CACNB2: variants seen among roughly 807,000 people sequenced by gnomAD.
CACNB2 encodes the protein calcium voltage-gated channel auxiliary subunit beta 2, also known as voltage-dependent L-type calcium channel subunit beta-2.
CACNB2 carries 42 observed loss-of-function variants against 73.3 expected under a neutral mutation model. The ratio of observed to expected loss-of-function variants is 0.57; its 90% CI spans 0.45 to 0.74. CACNB2 has a LOEUF of 0.74. Ranked by LOEUF, CACNB2 falls within the 30% of genes least tolerant of loss-of-function variation. The pLI is 0.00. For synonymous variants in CACNB2, 348 were observed against 310.3 expected (o/e 1.12, Z -1.28); for missense variants, 940 against 853.0 (o/e 1.10, Z -1.27).
chr10:18,249,104 C>T (rs1225083986), intron 2 of CACNB2, among the ~76,000 whole-genome samples: 4 of 152,184 alleles, frequency 2.6e-5, no homozygotes, highest in Non-Finnish European at 4.4e-5. Flanking sequence ...TCCTCATTCT[C>T]GGTTAATGAT....
chr10:18,524,083 A>G (rs2052196810), intron 9 of CACNB2, among the ~76,000 whole-genome samples: 4 of 152,154 alleles, frequency 2.6e-5, no homozygotes, highest in Admixed American at 2.6e-4. Flanking sequence ...TCAAAACTGG[A>G]TTCACAGTAA....
intron 1 of CACNB2, 120 bp downstream of exon 1, chr10:18,140,976 C>G: frequency 6.6e-7 from 1 of 1,518,002 alleles, no homozygotes; most frequent in Non-Finnish European, 8.8e-7. Context: ...CCCCTCGTCG[C>G]CTGCCCACCC....
chr10:18,487,231 C>G (rs1373421076), intron 3 of CACNB2, among the ~76,000 whole-genome samples: 3 of 152,168 alleles, frequency 2.0e-5, no homozygotes, highest in Non-Finnish European at 4.4e-5. Flanking sequence ...GAAGATGGAG[C>G]CACCAGGTTG....
At chr10:18,237,277 G>A (rs2036482951) in intron 2 of CACNB2, among the ~76,000 whole-genome samples, 1 of 152,170 alleles carries the variant, frequency 6.6e-6, no homozygotes, top group African/African-American at 2.4e-5. Context: ...AGGTTTTAAA[G>A]ATATCATCAA....
chr10:18,381,849 ACATT>A (rs2043032533), intron 2 of CACNB2, among the ~76,000 whole-genome samples: 1 of 152,028 alleles, frequency 6.6e-6, no homozygotes, highest in South Asian at 2.1e-4. Context: ...CTAACAATAC[ACATT>A]CATGATGTGG....
intron 2 of CACNB2, among the ~76,000 whole-genome samples, chr10:18,372,654 G>A (rs1017757499): frequency 3.3e-5 from 5 of 152,096 alleles, no homozygotes; most frequent in African/African-American, 1.2e-4. Context: ...TCATCCACCC[G>A]CCTTCGCCTC....
chr10:18,426,088 A>G (rs1049350651), intron 3 of CACNB2, among the ~76,000 whole-genome samples: 2 of 152,212 alleles, frequency 1.3e-5, no homozygotes, highest in Non-Finnish European at 2.9e-5. Context: ...TTTCTGTTCC[A>G]TATAAATTTT....
At chr10:18,276,958 T>TA (rs1306030303) in intron 2 of CACNB2, among the ~76,000 whole-genome samples, 6 of 152,006 alleles carry the variant, frequency 3.9e-5, no homozygotes, top group African/African-American at 7.2e-5. Flanking sequence ...ACAAAAAAAT[T>TA]AAAAAATTAT....
At chr10:18,534,496 T>G (rs1343085136) in intron 11 of CACNB2, among the ~76,000 whole-genome samples, 1 of 152,170 alleles carries the variant, frequency 6.6e-6, no homozygotes, top group Non-Finnish European at 1.5e-5. Flanking sequence ...ACTAAGACAT[T>G]ATTTGCCATT....
chr10:18,267,288 C>T (rs186447283), intron 2 of CACNB2, among the ~76,000 whole-genome samples: 52 of 152,166 alleles, frequency 3.4e-4, no homozygotes, highest in Admixed American at 9.8e-4. Flanking sequence ...TTATAAACCT[C>T]ACTACATAAT....
intron 2 of CACNB2, among the ~76,000 whole-genome samples, chr10:18,246,025 AC>A (rs1158567518): frequency 1.3e-5 from 2 of 152,076 alleles, no homozygotes; most frequent in African/African-American, 4.8e-5. Flanking sequence ...TACTCCTGGA[AC>A]CCGGAGAACA....
intron 3 of CACNB2, among the ~76,000 whole-genome samples, chr10:18,496,256 G>A (rs2049808205): frequency 1.3e-5 from 2 of 150,674 alleles, no homozygotes; most frequent in African/African-American, 4.9e-5. Flanking sequence ...TCCACCTCAT[G>A]TCTATTGTGC....
chr10:18,141,198 C>CT, intron 1 of CACNB2: 1 of 991,290 alleles, frequency 1.0e-6, no homozygotes, highest in Non-Finnish European at 1.4e-6. Flanking sequence ...GGGGAGTGGA[C>CT]TGGACCTGCT....
At chr10:18,272,466 AT>A (rs1258082115) in intron 2 of CACNB2, among the ~76,000 whole-genome samples, 1 of 152,172 alleles carries the variant, frequency 6.6e-6, no homozygotes, top group African/African-American at 2.4e-5. Context: ...CCTCTTTCTA[AT>A]TTAAAAGATA....
intron 3 of CACNB2, among the ~76,000 whole-genome samples, chr10:18,419,055 C>T (rs1295794702): frequency 6.6e-6 from 1 of 152,194 alleles, no homozygotes; most frequent in Non-Finnish European, 1.5e-5. Context: ...TATGAGGCAA[C>T]TCAGTGACAC....
rs150596642 is a variant in CACNB2, at chr10:18,540,831, C to T, written c.*1107C>T. 1 of 152,744 alleles carries T rather than the reference C, an allele frequency of 6.5e-6. No homozygotes were observed. Among genetic ancestry groups the T allele is most frequent in the African/African-American group, 2.4e-5 (1 of 41,556 alleles). The allele number at this position is 152,744 out of a possible 1,614,324, so 9.5% of individuals were successfully genotyped here. On this transcript the variant is annotated 3_prime_UTR_variant, in exon 14 of 14. Coordinates refer to ENST00000324631, the MANE Select transcript of CACNB2 (RefSeq NM_201596.3). ...AGACTGATATCGAGCATTCTGCCCA[C>T]CTCGCTCTGTATTTAATTAATTGTG...
chr10:18,165,569 T>A (rs2032794275), intron 2 of CACNB2, among the ~76,000 whole-genome samples: 1 of 152,238 alleles, frequency 6.6e-6, no homozygotes, highest in Non-Finnish European at 1.5e-5. Flanking sequence ...TATGTCACCA[T>A]GCCCAGCTAA....
intron 2 of CACNB2, among the ~76,000 whole-genome samples, chr10:18,272,459 C>G (rs2038096011): frequency 6.6e-6 from 1 of 152,182 alleles, no homozygotes; most frequent in African/African-American, 2.4e-5. Flanking sequence ...GAAATCACCT[C>G]TTTCTAATTT....
intron 2 of CACNB2, among the ~76,000 whole-genome samples, chr10:18,245,540 C>T (rs188430430): frequency 6.6e-6 from 1 of 152,246 alleles, no homozygotes; most frequent in Non-Finnish European, 1.5e-5. Flanking sequence ...ATGTTTCCCA[C>T]AGCTGGTCTT....
Sources: gnomAD v4.1 joint callset for allele counts (sites outside exome capture counted in the v4.1 genomes callset) on GRCh38, gnomAD v4.1.1 for gene constraint, MANE v1.5 for transcripts, NCBI Gene and HGNC (gene_info 2026-07-23, HGNC 2026-07-21) for gene names.